Variants in AP5Z1 observed in about 807,000 individuals in gnomAD.
The protein encoded by AP5Z1 is AP-5 complex subunit zeta-1.
Under a neutral mutation model 83.0 loss-of-function variants are expected in AP5Z1, and 106 were observed. The ratio of observed to expected loss-of-function variants is 1.28; its 90% CI spans 1.09 to 1.50. The LOEUF is 1.50. AP5Z1 is among the 40% of genes most tolerant of loss of function. The probability of loss-of-function intolerance (pLI) is 0.00; values close to 1 mark genes in which losing one functional copy is unlikely to be tolerated. For synonymous variants in AP5Z1, 751 were observed against 514.1 expected (o/e 1.46, Z -6.23); for missense variants, 1,565 against 1,094.2 (o/e 1.43, Z -6.07).
intron 12 of AP5Z1, 33 bp from the exon 13 acceptor site, chr7:4,788,807 C>T (rs767094342): frequency 9.1e-6 from 14 of 1,533,858 alleles, no homozygotes; most frequent in Admixed American, 3.8e-5. Context: ...GGTCGGGGAG[C>T]GGGCAGCACT....
intron 6 of AP5Z1, 53 bp downstream of exon 6, chr7:4,784,424 T>C (rs982808942): frequency 6.6e-7 from 1 of 1,516,104 alleles, no homozygotes; most frequent in African/African-American, 1.4e-5. Context: ...GGGCGCACTA[T>C]GGGTTGGTCG....
chr7:4,783,876 C>G, intron 5 of AP5Z1, 78 bp downstream of exon 5: 2 of 1,415,550 alleles, frequency 1.4e-6, no homozygotes, highest in East Asian at 2.5e-5. Context: ...GTGCCCACAG[C>G]GGCGAGGCCT....
At chr7:4,776,225 T>C (rs1295855886) in intron 1 of AP5Z1, among the ~76,000 whole-genome samples, 4 of 152,056 alleles carry the variant, frequency 2.6e-5, no homozygotes, top group Non-Finnish European at 5.9e-5. Flanking sequence ...CTTAAAAAGA[T>C]CTCTCTTGCG....
Position 4,791,145 on chromosome 7 carries a change from C to T in AP5Z1, c.2184C>T (p.Thr728=), listed in dbSNP as rs191945093. 8 of 1,607,778 alleles carry T rather than the reference C, an allele frequency of 5.0e-6. No homozygotes were observed. Among genetic ancestry groups the T allele is most frequent in the South Asian group, 1.1e-5 (1 of 90,440 alleles). Residue 728 remains threonine, a synonymous_variant, in exon 17 of 17, where the codon ACC becomes ACT. Transcript: ENST00000649063. ...RASLLLSKMR[T]LAHSPATSST... is the part of the protein sequence containing the mutation. The stretch of plus-strand genomic sequence containing the variant: ...CTTTATTGCTGTCAAAGATGAGGAC[C>T]CTGGCTCACAGTCCAGCCACCAGCT...
At chr7:4,785,775 T>G in intron 9 of AP5Z1, 91 bp downstream of exon 9, 2 of 1,398,346 alleles carry the variant, frequency 1.4e-6, no homozygotes, top group Non-Finnish European at 9.3e-7. Context: ...TTTTTTTTTT[T>G]TTTTTGATTG....
At chr7:4,779,350 A>G (rs981629777) in intron 1 of AP5Z1, among the ~76,000 whole-genome samples, 42 of 142,840 alleles carry the variant, frequency 2.9e-4, no homozygotes, top group Non-Finnish European at 1.2e-4. Flanking sequence ...AACATATAAC[A>G]TGTTATATAT....
At position 4,789,863 on chromosome 7, in the gene AP5Z1, C is replaced by CGCT; in HGVS notation, c.1746_1748dup (p.Leu584dup). 1 of 1,552,742 alleles carries CGCT rather than the reference C, an allele frequency of 6.4e-7. No individual in the cohort carries two copies. Among genetic ancestry groups the CGCT allele is most frequent in the Non-Finnish European group, 8.7e-7 (1 of 1,148,332 alleles). On this transcript the variant is annotated inframe_insertion, in exon 14 of 17. Transcript: ENST00000649063. ...GACGGGTCCCTGATCAACCAGCTGG[C>CGCT]GCTGCTGCTCCTGGGCAGGAGCGAC...
intron 1 of AP5Z1, among the ~76,000 whole-genome samples, chr7:4,779,147 CATAT>C (rs779206708): frequency 1.4e-5 from 2 of 140,512 alleles, no homozygotes; most frequent in South Asian, 2.2e-4. Flanking sequence ...TTATATATAA[CATAT>C]ATAACAACTA....
Position 4,788,906 on chromosome 7 carries a change from G to T in AP5Z1, c.1662G>T (p.Gln554His), listed in dbSNP as rs1486008104. The change falls in exon 13 of 17, where the codon CAG becomes CAT. Residue 554 changes from glutamine to histidine, a missense_variant. By Grantham distance (24) the Gln-to-His change is conservative. Coordinates refer to ENST00000649063, the MANE Select transcript of AP5Z1 (RefSeq NM_014855.3). ...GTGCCCGCGTGGCCCAGTGTGCCCA[G>T]GCCGTGCCCACGCTGCTGCAGGCAT... ...AGCARVAQCA[Q>H]AVPTLLQAFF... is the part of the protein sequence containing the mutation. 6.2e-7 allele frequency: 1 copy of T among 1,611,348 alleles called. No homozygotes were observed. Among genetic ancestry groups the T allele is most frequent in the Non-Finnish European group, 8.5e-7 (1 of 1,179,480 alleles).
Position 4,785,635 on chromosome 7 carries a change from GGCCTCTGTGCGGGTGCTGCTGCCCCTC to G in AP5Z1, c.1087_1113del (p.Ser363_Ala371del), listed in dbSNP as rs1562408515. On this transcript the variant is annotated inframe_deletion, in exon 9 of 17. Coordinates refer to ENST00000649063, the MANE Select transcript of AP5Z1 (RefSeq NM_014855.3). ...TGCACGGGCGGGTGCGCGGGGACCC[GGCCTCTGTGCGGGTGCTGCTGCCCCTC>G]GCCCACTTCTTCCTGAGCCACGGTG... is the stretch of plus-strand genomic sequence containing the variant. 1 of 1,568,304 alleles carries G rather than the reference GGCCTCTGTGCGGGTGCTGCTGCCCCTC, an allele frequency of 6.4e-7. No homozygotes were observed. Among genetic ancestry groups the G allele is most frequent in the East Asian group, 2.3e-5 (1 of 43,006 alleles).
At position 4,790,792 on chromosome 7, in the gene AP5Z1, CT is replaced by C; in HGVS notation, c.2059del (p.Ser687LeufsTer15). On this transcript the variant is annotated frameshift_variant, in exon 16 of 17. Transcript: ENST00000649063. LOFTEE classifies it high-confidence loss of function. ...TATTCGAGGTCACCCAGTGCCGCCCCTCTGCTGCCCTGCCCAGGTGTCCCCC... is the reference window on the plus strand; with the variant it reads ...TATTCGAGGTCACCCAGTGCCGCCCCCTGCTGCCCTGCCCAGGTGTCCCCC... Reference protein sequence around the residue: ...LLFEVTQCRPSAALPRCPPQV... With the variant: ...LLFEVTQCRPXAALPRCPPQV... 1 of 1,609,200 alleles carries C rather than the reference CT, an allele frequency of 6.2e-7. No individual in the cohort carries two copies. The highest frequency in any genetic ancestry group is 8.5e-7 in the Non-Finnish European group (1 of 1,178,830).
intron 1 of AP5Z1, among the ~76,000 whole-genome samples, chr7:4,779,288 CATATAACAACATATATAACGT>C (rs1781311384): frequency 7.0e-6 from 1 of 142,882 alleles, no homozygotes; most frequent in African/African-American, 2.7e-5. Flanking sequence ...GTATATAACG[CATATAACAACATATATAACGT>C]ATATAACATA....
At chr7:4,783,640 C>T in intron 4 of AP5Z1, 49 bp from the exon 5 acceptor site, 5 of 1,526,638 alleles carry the variant, frequency 3.3e-6, no homozygotes, top group Non-Finnish European at 4.4e-6. Flanking sequence ...ACAACCCAGG[C>T]ATCTGTAGGA....
intron 1 of AP5Z1, among the ~76,000 whole-genome samples, chr7:4,778,524 C>T (rs1038656251): frequency 1.5e-4 from 23 of 151,782 alleles, no homozygotes; most frequent in Admixed American, 9.8e-4. Flanking sequence ...AGAAGGAAGG[C>T]GGGGCCGGGC....
Position 4,785,112 on chromosome 7 carries a change from C to G in AP5Z1, c.931+64C>G, listed in dbSNP as rs370648778. On this transcript the variant is annotated intron_variant, in intron 7 of 16. Coordinates refer to ENST00000649063, the MANE Select transcript of AP5Z1 (RefSeq NM_014855.3). Reference sequence around the variant, plus strand: ...CGACGCACCTGCTCTGCAAGGCCACCTGAGGCCAGCACAGCTTCCCTGAGC... The same window carrying G: ...CGACGCACCTGCTCTGCAAGGCCACGTGAGGCCAGCACAGCTTCCCTGAGC... 212 of 1,533,528 alleles carry G rather than the reference C, an allele frequency of 1.4e-4. No individual in the cohort carries two copies. In the East Asian group the frequency reaches 4.6e-3, roughly 33 times the overall value. 95.0% of individuals were successfully genotyped at this position (1,533,528 alleles called of 1,614,324 possible). A position where few individuals can be genotyped will look rare whatever the true frequency, so the allele number is the denominator to read the frequency against.
intron 1 of AP5Z1, among the ~76,000 whole-genome samples, chr7:4,776,789 T>C (rs1042991078): frequency 2.0e-5 from 3 of 151,814 alleles, no homozygotes; most frequent in African/African-American, 7.3e-5. Context: ...AGCCCCTTGG[T>C]AAACGTAAAC....
intron 1 of AP5Z1, among the ~76,000 whole-genome samples, chr7:4,779,329 A>G (rs1395776133): frequency 1.4e-5 from 2 of 147,716 alleles, no homozygotes; most frequent in Admixed American, 6.8e-5. Context: ...AACACGTTAT[A>G]TATGATATAT....
At chr7:4,785,332 G>T in intron 7 of AP5Z1, 83 bp from the exon 8 acceptor site, 1 of 1,538,234 alleles carries the variant, frequency 6.5e-7, no homozygotes, top group East Asian at 2.3e-5. Context: ...GTCCTGCCTG[G>T]AGCTTCCAGA....
intron 3 of AP5Z1, 105 bp downstream of exon 3, chr7:4,781,859 T>C: frequency 7.6e-7 from 1 of 1,312,384 alleles, no homozygotes. Flanking sequence ...CTGCTTGTTG[T>C]AGACGCATCT....
Sources: gnomAD v4.1 joint callset for allele counts (sites outside exome capture counted in the v4.1 genomes callset) on GRCh38, gnomAD v4.1.1 for gene constraint, MANE v1.5 for transcripts, NCBI Gene and HGNC (gene_info 2026-07-23, HGNC 2026-07-21) for gene names.